The following EXOC6B variants were observed in gnomAD, a reference collection of about 807,000 sequenced individuals.
EXOC6B encodes SEC15 homolog B.
Under a neutral mutation model 113.5 loss-of-function variants are expected in EXOC6B, and 54 were observed. That is an observed-to-expected ratio of 0.48 (90% confidence interval 0.38 to 0.60). The LOEUF is 0.60. Among genes scored for constraint, EXOC6B ranks in the 20% least tolerant of loss-of-function variants. The pLI, the probability that EXOC6B is intolerant of heterozygous loss-of-function variation, is 0.00. For missense variants in EXOC6B, 797 were observed against 977.5 expected (o/e 0.82, Z 2.46); for synonymous variants, 357 against 339.0 (o/e 1.05, Z -0.58).
In EXOC6B at chr2:72,289,929, A is replaced by T. The variant is rs569427430; in HGVS notation, c.2196+45018T>A. Among the ~76,000 whole-genome samples the T allele has an allele frequency of 2.6e-5, 4 of 152,290 alleles. No homozygotes were observed. The South Asian group carries it at 8.3e-4, about 32-fold the overall frequency. On this transcript the variant is annotated intron_variant, in intron 20 of 21. Coordinates refer to ENST00000272427, the MANE Select transcript of EXOC6B (RefSeq NM_015189.3). The stretch of plus-strand genomic sequence containing the variant: ...GTTCTCTCTAATGTGGATGGGCCTC[A>T]CCTAATCAGTTGAAGGCCTGAAAAA...
chr2:72,715,492 T>C (rs1449109727), intron 6 of EXOC6B, among the ~76,000 whole-genome samples: 3 of 148,374 alleles, frequency 2.0e-5, no homozygotes, highest in African/African-American at 7.4e-5. Context: ...AAATAAAATA[T>C]ATATATGAAA....
rs1434754831 is a variant in EXOC6B, at chr2:72,590,697, T to C, written c.670-15029A>G. Among the ~76,000 whole-genome samples, 3 of 152,034 alleles carry C rather than the reference T, an allele frequency of 2.0e-5. No individual in the cohort carries two copies. In the East Asian group the frequency reaches 5.8e-4, roughly 29 times the overall value. ...ATGTTTCTTTATCAATAACTTCTGC[T>C]AACATAGAAGGTATATTTTTATGGA... On this transcript the variant is annotated intron_variant, in intron 6 of 21. Coordinates refer to ENST00000272427, the MANE Select transcript of EXOC6B (RefSeq NM_015189.3).
chr2:72,690,197 T>C (rs1209500496), intron 6 of EXOC6B, among the ~76,000 whole-genome samples: 1 of 152,198 alleles, frequency 6.6e-6, no homozygotes, highest in Admixed American at 6.5e-5. Flanking sequence ...TTGACTACCA[T>C]CTTGGGTACA....
At chr2:72,332,293 T>G (rs1260969478) in intron 20 of EXOC6B, among the ~76,000 whole-genome samples, 2 of 152,054 alleles carry the variant, frequency 1.3e-5, no homozygotes, top group African/African-American at 2.4e-5. Flanking sequence ...TAGGTCATTA[T>G]GTAATGAAAA....
intron 18 of EXOC6B, among the ~76,000 whole-genome samples, chr2:72,427,319 C>T (rs755614093): frequency 2.0e-5 from 3 of 152,138 alleles, no homozygotes; most frequent in Non-Finnish European, 4.4e-5. Flanking sequence ...ATGGAGCAGA[C>T]GGGAGCCCCA....
In EXOC6B at chr2:72,481,336, T is replaced by G. The variant is rs1206188263; in HGVS notation, c.1666-586A>C. ...CCAAAACATTTTGTATTCCCCCATA[T>G]TATGGGAACACTTATCACTGTATTC... On this transcript the variant is annotated intron_variant, in intron 16 of 21. Coordinates refer to ENST00000272427, the MANE Select transcript of EXOC6B (RefSeq NM_015189.3). 2.0e-5 allele frequency among the ~76,000 whole-genome samples: 3 copies of G among 152,234 alleles called. No homozygotes were observed. In the East Asian group the frequency reaches 5.8e-4, roughly 29 times the overall value.
At chr2:72,391,517 T>G (rs1005174365) in intron 18 of EXOC6B, among the ~76,000 whole-genome samples, 2 of 152,220 alleles carry the variant, frequency 1.3e-5, no homozygotes, top group Non-Finnish European at 1.5e-5. Context: ...AGGTATAGTT[T>G]TCTTTAAGTT....
chr2:72,629,978 A>G (rs1445199965), intron 6 of EXOC6B, among the ~76,000 whole-genome samples: 1 of 152,172 alleles, frequency 6.6e-6, no homozygotes, highest in Non-Finnish European at 1.5e-5. Context: ...TCAGAAATAC[A>G]TTATGCTTTC....
intron 18 of EXOC6B, among the ~76,000 whole-genome samples, chr2:72,392,908 G>T (rs922631788): frequency 3.3e-5 from 5 of 151,980 alleles, no homozygotes; most frequent in African/African-American, 9.7e-5. Context: ...CTCTCTGTGG[G>T]CCCAATTCTC....
chr2:72,533,699 C>A (rs768815792), intron 8 of EXOC6B, among the ~76,000 whole-genome samples: 4 of 152,084 alleles, frequency 2.6e-5, no homozygotes, highest in Non-Finnish European at 4.4e-5. Flanking sequence ...CCAGAAACTA[C>A]CAAGAACATT....
intron 8 of EXOC6B, among the ~76,000 whole-genome samples, chr2:72,558,282 G>C (rs1703682462): frequency 6.6e-6 from 1 of 152,066 alleles, no homozygotes; most frequent in African/African-American, 2.4e-5. Context: ...GGAGTGTAAA[G>C]GGAGGGAAGA....
chr2:72,235,028 C>T (rs1038854201), intron 20 of EXOC6B, among the ~76,000 whole-genome samples: 6 of 152,138 alleles, frequency 3.9e-5, no homozygotes, highest in African/African-American at 1.4e-4. Context: ...ATCATTTGAG[C>T]CAGCAATCCC....
At chr2:72,583,314 C>G (rs1705343177) in intron 6 of EXOC6B, among the ~76,000 whole-genome samples, 2 of 152,166 alleles carry the variant, frequency 1.3e-5, no homozygotes, top group African/African-American at 4.8e-5. Flanking sequence ...CCTCCCTAAT[C>G]TCACTGGAGA....
intron 20 of EXOC6B, among the ~76,000 whole-genome samples, chr2:72,198,327 T>TTTTC (rs1679294273): frequency 2.0e-5 from 3 of 152,296 alleles, no homozygotes; most frequent in Admixed American, 1.3e-4. Flanking sequence ...GGCTGCCTCC[T>TTTTC]CCTTTTCCCC....
intron 19 of EXOC6B, among the ~76,000 whole-genome samples, chr2:72,374,069 C>T (rs1691202450): frequency 6.7e-6 from 1 of 148,816 alleles, no homozygotes; most frequent in Non-Finnish European, 1.5e-5. Context: ...GACCCTGTCT[C>T]AAAAAAAAAA....
intron 6 of EXOC6B, among the ~76,000 whole-genome samples, chr2:72,587,186 G>C (rs1705644584): frequency 1.3e-5 from 2 of 151,544 alleles, no homozygotes; most frequent in African/African-American, 4.9e-5. Flanking sequence ...TGGTGGACTG[G>C]ATAAAAAAAA....
At chr2:72,303,337 G>A (rs1042950735) in intron 20 of EXOC6B, among the ~76,000 whole-genome samples, 2 of 152,088 alleles carry the variant, frequency 1.3e-5, no homozygotes, top group Non-Finnish European at 2.9e-5. Context: ...TATTTTCCAA[G>A]TTGTTTCGTT....
intron 6 of EXOC6B, among the ~76,000 whole-genome samples, chr2:72,633,029 G>A (rs979582853): frequency 2.6e-5 from 4 of 152,054 alleles, no homozygotes; most frequent in African/African-American, 9.7e-5. Flanking sequence ...AAACTAGAAT[G>A]AACTTGTACA....
chr2:72,797,202 C>T (rs1194416664), intron 1 of EXOC6B, among the ~76,000 whole-genome samples: 1 of 152,178 alleles, frequency 6.6e-6, no homozygotes, highest in Admixed American at 6.5e-5. Flanking sequence ...TTAATTTGGT[C>T]CTCTTCCTCA....
Sources: allele counts gnomAD v4.1 joint callset (sites outside exome capture counted in the v4.1 genomes callset), GRCh38; gene constraint gnomAD v4.1.1; transcripts MANE v1.5; gene names NCBI Gene and HGNC (gene_info 2026-07-23, HGNC 2026-07-21).